Variants in TUSC3 observed in about 807,000 individuals in gnomAD.
TUSC3 encodes tumor suppressor candidate 3.
A neutral mutation model predicts 44.8 loss-of-function variants in TUSC3; 45 were observed. The ratio of observed to expected loss-of-function variants is 1.00; its 90% confidence interval spans 0.79 to 1.29. The LOEUF (loss-of-function observed/expected upper bound fraction) is 1.29, where lower values mean the gene tolerates loss of function less well. Among genes scored for constraint, TUSC3 ranks in the 50% most tolerant of loss-of-function variants. The probability of loss-of-function intolerance (pLI) is 0.00; values close to 1 mark genes in which losing one functional copy is unlikely to be tolerated. For synonymous variants in TUSC3, 212 were observed against 152.9 expected (o/e 1.39, Z -2.85); for missense variants, 519 against 437.9 (o/e 1.19, Z -1.65).
chr8:15,570,083 T>G (rs892397785), intron 1 of TUSC3, among the ~76,000 whole-genome samples: 2 of 152,216 alleles, frequency 1.3e-5, no homozygotes, highest in Middle Eastern at 3.4e-3. Flanking sequence ...TATAAAAGAT[T>G]CCCACATTAT....
At chr8:15,775,374 GTGA>G in the TUSC3 span, among the ~76,000 whole-genome samples, 2 of 151,998 alleles carry the variant, frequency 1.3e-5, no homozygotes, top group Non-Finnish European at 1.5e-5. Context: ...ATTCTGGAGA[GTGA>G]TGATGATTGC....
chr8:15,698,902 G>A (rs1809282270), intron 6 of TUSC3, among the ~76,000 whole-genome samples: 1 of 150,620 alleles, frequency 6.6e-6, no homozygotes, highest in African/African-American at 2.5e-5. Flanking sequence ...CTGGAGTTCA[G>A]TGGCGTGATC....
rs7844934 is a variant in TUSC3 at position 15,465,972 on chromosome 8, T to A, written n.92-17414T>A. ...TTGAAATTAATTTAATCCAAGTGTT[T>A]GAAACTCAAATTCAAATGTTAAAAC... On this transcript the variant is annotated intron_variant and non_coding_transcript_variant, in intron 1 of 5. Coordinates refer to the TUSC3 transcript ENST00000503191. Among the ~76,000 whole-genome samples the A allele has an allele frequency of 9.2e-3, 1,401 of 152,280 alleles. 25 individuals are homozygous for A. The highest frequency in any genetic ancestry group is 0.032 in the African/African-American group (1,317 of 41,546).
At chr8:15,432,953 C>G (rs1049631848) in intron 1 of TUSC3, among the ~76,000 whole-genome samples, 4 of 152,160 alleles carry the variant, frequency 2.6e-5, no homozygotes, top group African/African-American at 9.7e-5. Context: ...GAACAGAATG[C>G]TTTGCTATAT....
chr8:15,434,292 G>T (rs1422235916), intron 1 of TUSC3, among the ~76,000 whole-genome samples: 2 of 152,074 alleles, frequency 1.3e-5, no homozygotes, highest in Non-Finnish European at 2.9e-5. Flanking sequence ...CTGGCTGTTT[G>T]TCTTTTCATT....
intron 6 of TUSC3, among the ~76,000 whole-genome samples, chr8:15,710,442 CG>C (rs1809794833): frequency 1.3e-5 from 2 of 151,608 alleles, no homozygotes; most frequent in South Asian, 4.1e-4. Context: ...GAGTTCTGAC[CG>C]AACAAGGGCC....
the TUSC3 span, among the ~76,000 whole-genome samples, chr8:15,797,713 A>T: frequency 1.0e-3 from 159 of 152,318 alleles, no homozygotes; most frequent in East Asian, 0.025. Flanking sequence ...TACCACATGA[A>T]TGAGAACTAT....
rs200005577 is a variant in TUSC3, at chr8:15,764,346, GT to G, written c.*191del. ...TATTCTTGTGTACTTTTTTTAAACT[GT>G]GGGTTTTCCTAGTAAATTTAATTTA... On this transcript the variant is annotated 3_prime_UTR_variant, in exon 11 of 11. Transcript: ENST00000503731. 0.011 allele frequency: 11,099 copies of G among 989,696 alleles called. 116 individuals carry two copies. Among genetic ancestry groups the G allele is most frequent in the Middle Eastern group, 0.032 (127 of 4,016 alleles). The allele number at this position is 989,696 out of a possible 1,614,324, so 61.3% of individuals were successfully genotyped here. A position where few individuals can be genotyped will look rare whatever the true frequency, so the allele number is the denominator to read the frequency against.
intron 2 of TUSC3, among the ~76,000 whole-genome samples, chr8:15,524,619 C>G (rs1801348872): frequency 6.6e-6 from 1 of 152,048 alleles, no homozygotes; most frequent in Non-Finnish European, 1.5e-5. Context: ...ATAATTGTGA[C>G]CATGTGTGAC....
At chr8:15,431,225 A>AT (rs1799868813) in intron 1 of TUSC3, among the ~76,000 whole-genome samples, 1 of 151,540 alleles carries the variant, frequency 6.6e-6, no homozygotes, top group Admixed American at 6.6e-5. Flanking sequence ...TTTTAATCAC[A>AT]TTTTTTAAGT....
intron 6 of TUSC3, among the ~76,000 whole-genome samples, chr8:15,721,119 C>CT (rs1200427353): frequency 2.6e-5 from 4 of 151,952 alleles, no homozygotes; most frequent in African/African-American, 7.2e-5. Flanking sequence ...ATAATAACAT[C>CT]TTTTTTTATC....
chr8:15,672,490 G>A (rs999899937), intron 5 of TUSC3, among the ~76,000 whole-genome samples: 5 of 152,088 alleles, frequency 3.3e-5, no homozygotes, highest in African/African-American at 1.2e-4. Flanking sequence ...CCAAAGCAAT[G>A]GACTTGCTCA....
rs780300330 is a variant in TUSC3, at chr8:15,673,818, C to T, written c.780C>T (p.Asn260=). The T allele has an allele frequency of 6.2e-7, 1 of 1,612,454 alleles. No individual in the cohort carries two copies. Among genetic ancestry groups the T allele is most frequent in the Non-Finnish European group, 8.5e-7 (1 of 1,178,906 alleles). Residue 260 remains asparagine (N), a synonymous_variant, in exon 6 of 11, where the codon AAC becomes AAT. Coordinates refer to ENST00000503731, the MANE Select transcript of TUSC3 (RefSeq NM_006765.4). ...GTGGACCTCCATATGCTCATAAGAA[C>T]CCACACAATGGACAAGTGGTAAGTG... ...HIRGPPYAHK[N]PHNGQVSYIH... is the part of the protein sequence containing the mutation.
the TUSC3 span, among the ~76,000 whole-genome samples, chr8:15,813,008 C>T: frequency 6.6e-6 from 1 of 152,090 alleles, no homozygotes; most frequent in African/African-American, 2.4e-5. Flanking sequence ...GCACAAGAAT[C>T]GCTTGAACCT....
rs973482695 is a variant in TUSC3 at position 15,687,027 on chromosome 8, C to T, written c.798+13191C>T. ...GGCGGAGCTTGCAGTGAGCCGAGAT[C>T]GTGCCACTGCACTGCAGCCTGGGTG... On this transcript the variant is annotated intron_variant, in intron 6 of 10. Transcript: ENST00000503731. Among the ~76,000 whole-genome samples the T allele has an allele frequency of 6.6e-5, 10 of 152,022 alleles. 1 individual carries two copies. The highest frequency in any genetic ancestry group is 2.6e-4 in the Admixed American group (4 of 15,268).
At chr8:15,586,989 G>A (rs1041502819) in intron 1 of TUSC3, among the ~76,000 whole-genome samples, 2 of 152,100 alleles carry the variant, frequency 1.3e-5, no homozygotes, top group African/African-American at 4.8e-5. Context: ...TGCTGGTTGG[G>A]GGATTACACT....
At chr8:15,445,170 G>C (rs932691688) in intron 1 of TUSC3, among the ~76,000 whole-genome samples, 3 of 152,202 alleles carry the variant, frequency 2.0e-5, no homozygotes, top group African/African-American at 7.2e-5. Flanking sequence ...CGTGGGTCTG[G>C]ATGGGATCTC....
chr8:15,724,515 C>A (rs1439085481), intron 6 of TUSC3, among the ~76,000 whole-genome samples: 2 of 152,134 alleles, frequency 1.3e-5, no homozygotes, highest in Non-Finnish European at 2.9e-5. Context: ...AAGGAAAATA[C>A]AAGATTTTTT....
intron 1 of TUSC3, among the ~76,000 whole-genome samples, chr8:15,550,198 T>G (rs1328209907): frequency 2.0e-5 from 3 of 151,766 alleles, no homozygotes; most frequent in Non-Finnish European, 2.9e-5. Context: ...CACCGGGCTG[T>G]CTGTCTGTGG....
Sources: allele counts gnomAD v4.1 joint callset (sites outside exome capture counted in the v4.1 genomes callset), GRCh38; gene constraint gnomAD v4.1.1; transcripts MANE v1.5; gene names NCBI Gene and HGNC (gene_info 2026-07-23, HGNC 2026-07-21).